The following STAT3 variants were observed in gnomAD, a reference collection of about 807,000 sequenced individuals.
STAT3 encodes signal transducer and activator of transcription 3, also known as DNA-binding protein APRF.
A neutral mutation model predicts 114.3 loss-of-function variants in STAT3; 7 were observed. That is an observed-to-expected ratio of 0.06 (90% CI 0.03 to 0.11). The LOEUF (loss-of-function observed/expected upper bound fraction) is 0.11. Ranked by LOEUF, STAT3 falls within the 10% of genes least tolerant of loss-of-function variation. The pLI, the probability that STAT3 is intolerant of heterozygous loss-of-function variation, is 1.00. For missense variants in STAT3, 364 were observed against 960.9 expected, an observed-to-expected ratio of 0.38 and a Z score of 8.21; for synonymous variants, 331 against 354.5, an observed-to-expected ratio of 0.93 and a Z score of 0.74.
Position 42,366,772 on chromosome 17 carries a change from G to A in STAT3, c.-23-18233C>T, listed in dbSNP as rs148977808. On this transcript the variant is annotated intron_variant, in intron 1 of 23. Transcript: ENST00000264657. ...ACCAGCATCTCTTACCTAGATAGCT[G>A]GACTAGGCTAACTGGCCTGGATGCT... is the stretch of plus-strand genomic sequence containing the variant. Among the ~76,000 whole-genome samples the A allele has an allele frequency of 9.3e-3, 1,416 of 151,778 alleles. 17 individuals are homozygous for A. The highest frequency in any genetic ancestry group is 0.031 in the Middle Eastern group (9 of 290).
At position 42,329,511 on chromosome 17, in the gene STAT3, G is replaced by A. The variant is rs2293152; in HGVS notation, c.1233+43C>T. 2.8e-5 allele frequency: 45 copies of A among 1,613,940 alleles called. No homozygotes were observed. The East Asian group carries it at 3.8e-4, about 14-fold the overall frequency. ...TGTGAGGCTCTCCCTAGCCCTCTCCGGCAGCCAGAGGCCCTTTGTGAAGGG... is the reference window on the plus strand; with the variant it reads ...TGTGAGGCTCTCCCTAGCCCTCTCCAGCAGCCAGAGGCCCTTTGTGAAGGG... On this transcript the variant is annotated intron_variant, in intron 13 of 23. Transcript: ENST00000264657.
At chr17:42,338,653 G>T in intron 6 of STAT3, 78 bp downstream of exon 6, 1 of 1,416,152 alleles carries the variant, frequency 7.1e-7, no homozygotes. Context: ...TCTAAACAGA[G>T]TTAAGACAAA....
intron 1 of STAT3, among the ~76,000 whole-genome samples, chr17:42,357,341 T>C (rs1847604319): frequency 6.6e-6 from 1 of 152,152 alleles, no homozygotes; most frequent in Admixed American, 6.5e-5. Flanking sequence ...CATAAAATTT[T>C]CACCACAGGA....
At chr17:42,329,267 C>T (rs1358765717) in intron 14 of STAT3, 143 bp downstream of exon 14, 4 of 1,197,116 alleles carry the variant, frequency 3.3e-6, no homozygotes, top group Non-Finnish European at 4.9e-6. Context: ...GTTCATGTCA[C>T]TTTGGCCTGA....
In STAT3 at chr17:42,359,995, G is replaced by A. The variant is rs2145148713; in HGVS notation, c.-23-11456C>T. On this transcript the variant is annotated intron_variant, in intron 1 of 23. Transcript: ENST00000264657. ...GAATGGTGTGAACCTGGGAGGCAGA[G>A]CTTGCAGTGAGCCGAGATCGCGCCA... 2.1e-5 allele frequency among the ~76,000 whole-genome samples: 3 copies of A among 143,788 alleles called. No homozygotes were observed. The Admixed American group carries it at 2.2e-4, about 10-fold the overall frequency. 94.3% of individuals were successfully genotyped at this position (143,788 alleles called of 152,430 possible).
chr17:42,317,627 GC>G (rs1422679200), intron 21 of STAT3: 1 of 283,666 alleles, frequency 3.5e-6, no homozygotes, highest in African/African-American at 2.2e-5. Flanking sequence ...CAGGAACCGA[GC>G]CTGTGTAGTC....
Position 42,333,795 on chromosome 17 carries a change from C to T in STAT3, c.957-30G>A, listed in dbSNP as rs755585664. The T allele has an allele frequency of 5.0e-6, 8 of 1,614,164 alleles. No homozygotes were observed. The highest frequency in any genetic ancestry group is 1.1e-5 in the South Asian group (1 of 91,066). The stretch of plus-strand genomic sequence containing the variant: ...GGAAAGAGAAGATGGGCTCACGCGC[C>T]ACGGCCATGACCAGAAGTCAGCCCG... On this transcript the variant is annotated intron_variant, in intron 9 of 23. Transcript: ENST00000264657. This position sits in a 1 kb window ranked among gnomAD's most constrained non-coding sequence, Gnocchi z 5.2.
At chr17:42,342,179 T>G (rs2082469352) in intron 4 of STAT3, among the ~76,000 whole-genome samples, 1 of 152,134 alleles carries the variant, frequency 6.6e-6, no homozygotes. Flanking sequence ...ATATCAGTTT[T>G]CTGCTTAAAA....
At position 42,380,806 on chromosome 17, in the gene STAT3, C is replaced by T. The variant is rs531053854; in HGVS notation, c.-24+7473G>A. ...CACACACCTGTAGCCCCAGCTACCC[C>T]GAAGGCTGAGGCAGGAGGATCACTT... On this transcript the variant is annotated intron_variant, in intron 1 of 23. Coordinates refer to ENST00000264657, the MANE Select transcript of STAT3 (RefSeq NM_139276.3). Among the ~76,000 whole-genome samples the T allele has an allele frequency of 2.9e-4, 44 of 152,188 alleles. No homozygotes were observed. In the South Asian group the frequency reaches 3.9e-3, roughly 14 times the overall value.
chr17:42,361,763 C>T (rs2083520736), intron 1 of STAT3, among the ~76,000 whole-genome samples: 1 of 152,022 alleles, frequency 6.6e-6, no homozygotes, highest in African/African-American at 2.4e-5. Context: ...GGAGAAGGCT[C>T]TCCTGTCAAG....
chr17:42,377,801 T>G (rs951566305), intron 1 of STAT3, among the ~76,000 whole-genome samples: 1 of 152,104 alleles, frequency 6.6e-6, no homozygotes, highest in Non-Finnish European at 1.5e-5. Flanking sequence ...AGGAAAAAGT[T>G]TAACCCAAAG....
At chr17:42,319,314 G>A (rs1473880124) in intron 21 of STAT3, among the ~76,000 whole-genome samples, 1 of 152,082 alleles carries the variant, frequency 6.6e-6, no homozygotes, top group Non-Finnish European at 1.5e-5. Context: ...GGCCCAGGCG[G>A]GAAGATCACT....
At chr17:42,373,727 T>C (rs2078882380) in intron 1 of STAT3, among the ~76,000 whole-genome samples, 1 of 151,340 alleles carries the variant, frequency 6.6e-6, no homozygotes, top group African/African-American at 2.4e-5. Context: ...CTACTAAAAA[T>C]ACAAAAAATT....
chr17:42,364,024 G>C (rs1310272081), intron 1 of STAT3, among the ~76,000 whole-genome samples: 1 of 151,912 alleles, frequency 6.6e-6, no homozygotes. Context: ...TCCTTCACTT[G>C]AGGAGCAGCT....
In STAT3 at chr17:42,316,912, T is replaced by TG; in HGVS notation, c.2145-12dup. ...TTGCTGCAGGTCGTTCTGTAGGAAA[T>TG]GGGGGGCAGCAGGAGGGGAAACGGG... is the stretch of plus-strand genomic sequence containing the variant. On this transcript the variant is annotated splice_polypyrimidine_tract_variant and intron_variant, in intron 22 of 23. Transcript: ENST00000264657. 6.3e-7 allele frequency: 1 copy of TG among 1,581,380 alleles called. No individual in the cohort carries two copies. Among genetic ancestry groups the TG allele is most frequent in the Middle Eastern group, 1.8e-4 (1 of 5,478 alleles).
At chr17:42,320,989 G>A (rs2081453515) in intron 21 of STAT3, among the ~76,000 whole-genome samples, 1 of 151,534 alleles carries the variant, frequency 6.6e-6, no homozygotes, top group South Asian at 2.1e-4. Flanking sequence ...GTCTTGCTAT[G>A]TTGCCAGGCT....
intron 1 of STAT3, among the ~76,000 whole-genome samples, chr17:42,372,625 T>C (rs1415990222): frequency 6.6e-6 from 1 of 152,148 alleles, no homozygotes; most frequent in Non-Finnish European, 1.5e-5. Flanking sequence ...TACTGGCAAA[T>C]ATACATCATC....
At chr17:42,329,906 TAC>T (rs1215835478) in intron 11 of STAT3, 130 bp from the exon 12 acceptor site, 1 of 1,078,282 alleles carries the variant, frequency 9.3e-7, no homozygotes, top group Non-Finnish European at 1.4e-6. Context: ...ACTATTCAGT[TAC>T]AGTTGATCAG....
chr17:42,317,395 T>A lies in STAT3; in HGVS notation c.2102-171A>T. 3 of 736,618 alleles carry A rather than the reference T, an allele frequency of 4.1e-6. No homozygotes were observed. In the South Asian group the frequency reaches 4.7e-5, roughly 12 times the overall value. 45.6% of individuals were successfully genotyped at this position (736,618 alleles called of 1,614,324 possible). A position where few individuals can be genotyped will look rare whatever the true frequency, so the allele number is the denominator to read the frequency against. ...CAGGGTTGTCTGCCCTCATTTATACTATTTGATCTCCCAGGCACTAGCAGC... is the reference window on the plus strand; with the variant it reads ...CAGGGTTGTCTGCCCTCATTTATACAATTTGATCTCCCAGGCACTAGCAGC... On this transcript the variant is annotated intron_variant, in intron 21 of 23. Coordinates refer to ENST00000264657, the MANE Select transcript of STAT3 (RefSeq NM_139276.3).
Sources: allele counts gnomAD v4.1 joint callset (sites outside exome capture counted in the v4.1 genomes callset), GRCh38; gene constraint gnomAD v4.1.1; non-coding constraint Gnocchi (gnomAD v3.1); transcripts MANE v1.5; gene names NCBI Gene and HGNC (gene_info 2026-07-23, HGNC 2026-07-21).